LRRC4C: variants seen among roughly 807,000 people sequenced by gnomAD.
LRRC4C encodes the protein leucine rich repeat containing 4C.
A neutral mutation model predicts 33.6 loss-of-function variants in LRRC4C; 5 were observed. The observed-to-expected ratio is 0.15, with a 90% CI of 0.08 to 0.31. LRRC4C has a LOEUF of 0.31. Among genes scored for constraint, LRRC4C ranks in the 10% least tolerant of loss-of-function variants. The pLI is 1.00. For missense variants in LRRC4C, 560 were observed against 796.7 expected, an observed-to-expected ratio of 0.70 and a Z score of 3.58; for synonymous variants, 329 against 302.0, an observed-to-expected ratio of 1.09 and a Z score of -0.93.
intron 1 of LRRC4C, among the ~76,000 whole-genome samples, chr11:40,979,630 A>C (rs1322536754): frequency 1.3e-5 from 2 of 152,208 alleles, no homozygotes; most frequent in African/African-American, 2.4e-5. Context: ...GCCCGAATTC[A>C]TCTTTGTCAG....
chr11:41,269,310 C>T (rs926206957), intron 1 of LRRC4C, among the ~76,000 whole-genome samples: 8 of 151,950 alleles, frequency 5.3e-5, no homozygotes, highest in Non-Finnish European at 1.2e-4. Flanking sequence ...GGAATGTGTT[C>T]ATTCCTTTAG....
intron 1 of LRRC4C, among the ~76,000 whole-genome samples, chr11:41,034,607 GTATATATATATATATA>G (rs59350888): frequency 2.1e-5 from 2 of 97,082 alleles, no homozygotes; most frequent in African/African-American, 3.8e-5. Flanking sequence ...ATATGGTGAC[GTATATATATATATATA>G]TATATATATA....
At chr11:41,071,007 G>A (rs1938634194) in intron 1 of LRRC4C, among the ~76,000 whole-genome samples, 1 of 152,056 alleles carries the variant, frequency 6.6e-6, no homozygotes, top group Non-Finnish European at 1.5e-5. Flanking sequence ...CAACCCAAAT[G>A]CCCATCAATG....
intron 1 of LRRC4C, among the ~76,000 whole-genome samples, chr11:41,264,772 T>C (rs1413492050): frequency 6.6e-6 from 1 of 152,158 alleles, no homozygotes; most frequent in Admixed American, 6.5e-5. Flanking sequence ...AAAGAGAGGA[T>C]AGACATATTT....
intron 1 of LRRC4C, among the ~76,000 whole-genome samples, chr11:41,179,104 A>G (rs1272677098): frequency 6.6e-6 from 1 of 152,124 alleles, no homozygotes; most frequent in Non-Finnish European, 1.5e-5. Context: ...ATTAATAGCT[A>G]TGGGAAATAA....
At chr11:40,802,757 C>T (rs945841528) in intron 2 of LRRC4C, among the ~76,000 whole-genome samples, 2 of 151,866 alleles carry the variant, frequency 1.3e-5, no homozygotes, top group African/African-American at 2.4e-5. Context: ...TAGGAGTTGC[C>T]AAAACTGTGA....
At chr11:40,448,537 G>A (rs1007257193) in intron 3 of LRRC4C, among the ~76,000 whole-genome samples, 3 of 152,248 alleles carry the variant, frequency 2.0e-5, no homozygotes, top group South Asian at 2.1e-4. Flanking sequence ...TGCTGAGAAG[G>A]ATGGTTTCCA....
intron 1 of LRRC4C, among the ~76,000 whole-genome samples, chr11:41,428,689 A>G (rs1338807887): frequency 2.0e-5 from 3 of 152,146 alleles, no homozygotes; most frequent in Admixed American, 2.0e-4. Flanking sequence ...GGGAAAGAGT[A>G]TAACTAACAT....
intron 3 of LRRC4C, among the ~76,000 whole-genome samples, chr11:40,358,269 C>T (rs1364335634): frequency 6.6e-6 from 1 of 151,986 alleles, no homozygotes; most frequent in Non-Finnish European, 1.5e-5. Flanking sequence ...GGTAAAGCTT[C>T]CCTCCCCAAA....
intron 1 of LRRC4C, among the ~76,000 whole-genome samples, chr11:41,108,327 T>C (rs1941634156): frequency 6.6e-6 from 1 of 152,098 alleles, no homozygotes; most frequent in Non-Finnish European, 1.5e-5. Flanking sequence ...TATAATCCAT[T>C]CTCTCATTTA....
At chr11:40,677,600 G>A (rs1185689496) in intron 2 of LRRC4C, among the ~76,000 whole-genome samples, 2 of 152,064 alleles carry the variant, frequency 1.3e-5, no homozygotes, top group African/African-American at 2.4e-5. Context: ...ATAAATATTT[G>A]GGAAGTGAAA....
In LRRC4C at chr11:40,932,831, T is replaced by C. The variant is rs1957686053; in HGVS notation, c.-407+804A>G. Among the ~76,000 whole-genome samples, 3 of 152,154 alleles carry C rather than the reference T, an allele frequency of 2.0e-5. 1 individual carries two copies. The highest frequency in any genetic ancestry group is 4.1e-4 in the South Asian group (2 of 4,822). On this transcript the variant is annotated intron_variant, in intron 2 of 6. Transcript: ENST00000528697. Reference sequence around the variant, plus strand: ...ATGCTGAAAGAGCTGGAACATTTCATGTGGTCACATCCTATTCAGGACTAG... The same window carrying C: ...ATGCTGAAAGAGCTGGAACATTTCACGTGGTCACATCCTATTCAGGACTAG...
chr11:40,688,661 G>C (rs1314817845), intron 2 of LRRC4C, among the ~76,000 whole-genome samples: 1 of 152,056 alleles, frequency 6.6e-6, no homozygotes, highest in Non-Finnish European at 1.5e-5. Flanking sequence ...CAGTGGAAAG[G>C]TCAGAGGGGT....
intron 4 of LRRC4C, among the ~76,000 whole-genome samples, chr11:40,310,470 A>G (rs2136746503): frequency 6.6e-6 from 1 of 152,268 alleles, no homozygotes; most frequent in Admixed American, 6.5e-5. Flanking sequence ...AGTAACATCA[A>G]TAAACCTATT....
rs142146340 is a variant in LRRC4C at position 41,299,376 on chromosome 11, C to T, written c.-496+160055G>A. On this transcript the variant is annotated intron_variant, in intron 1 of 6. Coordinates refer to ENST00000528697, the MANE Select transcript of LRRC4C (RefSeq NM_001258419.2). ...TTAAGGTTACATTGCATCAAACCTG[C>T]GTAAATTTACTCACTTCAACAATCA... Among the ~76,000 whole-genome samples, 303 of 152,196 alleles carry T rather than the reference C, an allele frequency of 2.0e-3. 2 individuals are homozygous for T. Among genetic ancestry groups the T allele is most frequent in the African/African-American group, 6.6e-3 (274 of 41,540 alleles).
At position 40,710,468 on chromosome 11, in the gene LRRC4C, G is replaced by A. The variant is rs557370586; in HGVS notation, c.-406-62190C>T. ...CAGGTCCCTCAGCTGCAGGTCTGTC[G>A]GAGTTTGCTGGAGGTCCACTCCAGC... On this transcript the variant is annotated intron_variant, in intron 2 of 6. Transcript: ENST00000528697. Among the ~76,000 whole-genome samples the A allele has an allele frequency of 8.4e-4, 127 of 151,152 alleles. 2 individuals carry two copies. Among genetic ancestry groups the A allele is most frequent in the Middle Eastern group, 3.4e-3 (1 of 292 alleles).
At chr11:40,220,707 T>A (rs1225801953) in intron 5 of LRRC4C, among the ~76,000 whole-genome samples, 1 of 152,176 alleles carries the variant, frequency 6.6e-6, no homozygotes, top group Non-Finnish European at 1.5e-5. Context: ...TTTAAAATAA[T>A]ATTTTTTCTT....
chr11:40,378,167 T>C (rs1475618853), intron 3 of LRRC4C, among the ~76,000 whole-genome samples: 1 of 152,066 alleles, frequency 6.6e-6, no homozygotes, highest in Non-Finnish European at 1.5e-5. Flanking sequence ...CCATAAATTA[T>C]ATAAATTCAG....
chr11:41,380,666 T>C (rs1487044898), intron 1 of LRRC4C, among the ~76,000 whole-genome samples: 1 of 152,080 alleles, frequency 6.6e-6, no homozygotes, highest in Non-Finnish European at 1.5e-5. Context: ...TGGGAACCCA[T>C]AAAGAAAAAA....
Sources: gnomAD v4.1 joint callset for allele counts (sites outside exome capture counted in the v4.1 genomes callset) on GRCh38, gnomAD v4.1.1 for gene constraint, MANE v1.5 for transcripts, NCBI Gene and HGNC (gene_info 2026-07-23, HGNC 2026-07-21) for gene names.